The following ZNHIT6 variants were observed in gnomAD, a reference collection of about 807,000 sequenced individuals.
ZNHIT6 encodes zinc finger HIT-type containing 6.
In ZNHIT6, 45 loss-of-function variants were observed where a neutral mutation model predicts 57.2. The observed-to-expected ratio is 0.79, with a 90% CI of 0.62 to 1.01. The LOEUF is 1.01. ZNHIT6 is among the 50% of genes least tolerant of loss of function. The pLI, the probability that ZNHIT6 is intolerant of heterozygous loss-of-function variation, is 0.00. For synonymous variants in ZNHIT6, 188 were observed against 190.0 expected, an observed-to-expected ratio of 0.99 and a Z score of 0.09; for missense variants, 528 against 567.3, an observed-to-expected ratio of 0.93 and a Z score of 0.70.
intron 5 of ZNHIT6, among the ~76,000 whole-genome samples, chr1:85,699,609 T>A (rs1053499212): frequency 3.3e-5 from 5 of 152,142 alleles, no homozygotes; most frequent in African/African-American, 9.7e-5. Flanking sequence ...TCATACTTTC[T>A]TGATGAAAGT....
chr1:85,686,391 C>T (rs573396214), intron 5 of ZNHIT6, among the ~76,000 whole-genome samples: 68 of 152,156 alleles, frequency 4.5e-4, no homozygotes, highest in African/African-American at 1.3e-3. Context: ...TGAACCAGAA[C>T]GAGGGTTACC....
intron 1 of ZNHIT6, among the ~76,000 whole-genome samples, chr1:85,707,228 T>C (rs1411923104): frequency 6.6e-6 from 1 of 152,222 alleles, no homozygotes; most frequent in Non-Finnish European, 1.5e-5. Context: ...AGGTCAAGTG[T>C]ATTTTTGCCT....
intron 4 of ZNHIT6, among the ~76,000 whole-genome samples, chr1:85,704,378 T>TA (rs1662619759): frequency 6.6e-6 from 1 of 151,802 alleles, no homozygotes; most frequent in Admixed American, 6.6e-5. Flanking sequence ...CAAAATCCAT[T>TA]AAAAAAATGC....
At chr1:85,690,830 A>G (rs1254472014) in intron 5 of ZNHIT6, among the ~76,000 whole-genome samples, 1 of 152,196 alleles carries the variant, frequency 6.6e-6, no homozygotes, top group African/African-American at 2.4e-5. Context: ...AGTCGAGACC[A>G]GCCTGGCCAA....
chr1:85,659,646 A>C (rs1309835699), intron 8 of ZNHIT6, among the ~76,000 whole-genome samples: 1 of 152,214 alleles, frequency 6.6e-6, no homozygotes, highest in East Asian at 1.9e-4. Context: ...TTAGTAAAAA[A>C]TTATCTGCAC....
At chr1:85,700,420 G>A (rs1262821114) in intron 5 of ZNHIT6, among the ~76,000 whole-genome samples, 1 of 152,158 alleles carries the variant, frequency 6.6e-6, no homozygotes, top group Non-Finnish European at 1.5e-5. Context: ...ATAAATTTAT[G>A]AGCAAAAGAC....
At chr1:85,674,051 T>G (rs964585227) in intron 8 of ZNHIT6, among the ~76,000 whole-genome samples, 3 of 152,182 alleles carry the variant, frequency 2.0e-5, no homozygotes, top group Admixed American at 6.5e-5. Context: ...GAAAGCTACC[T>G]CAACAGGAAT....
intron 5 of ZNHIT6, among the ~76,000 whole-genome samples, chr1:85,684,290 C>T (rs1446315180): frequency 2.6e-5 from 4 of 152,196 alleles, no homozygotes; most frequent in Non-Finnish European, 5.9e-5. Context: ...ACACTAACCT[C>T]TTCTGAGTCC....
At chr1:85,690,615 G>T (rs946514117) in intron 5 of ZNHIT6, among the ~76,000 whole-genome samples, 106 of 152,166 alleles carry the variant, frequency 7.0e-4, no homozygotes, top group Non-Finnish European at 3.2e-4. Context: ...AGAGTTTGCA[G>T]TCTTGTCTGC....
chr1:85,672,283 C>G (rs1661576536), intron 8 of ZNHIT6, among the ~76,000 whole-genome samples: 1 of 152,136 alleles, frequency 6.6e-6, no homozygotes, highest in Non-Finnish European at 1.5e-5. Context: ...CCAAGTCTTA[C>G]TGCTTTTTTT....
At chr1:85,687,310 A>AAAAAAC (rs1557861254) in intron 5 of ZNHIT6, among the ~76,000 whole-genome samples, 2 of 143,588 alleles carry the variant, frequency 1.4e-5, no homozygotes, top group Admixed American at 7.2e-5. Context: ...AAAAAAAAAA[A>AAAAAAC]ACAATTTAGA....
chr1:85,653,127 A>G lies in ZNHIT6; in HGVS notation c.*931T>C, dbSNP rs1570275640. On this transcript the variant is annotated 3_prime_UTR_variant, in exon 10 of 10. Coordinates refer to ENST00000370574, the MANE Select transcript of ZNHIT6 (RefSeq NM_017953.4). ...TGTGATGAAAGGCACAGAATTCATA[A>G]GACTTGAGTAAGTAGATCCAAATTT... is the stretch of plus-strand genomic sequence containing the variant. 2.0e-5 allele frequency: 3 copies of G among 152,326 alleles called. No homozygotes were observed. Among genetic ancestry groups the G allele is most frequent in the East Asian group, 3.9e-4 (2 of 5,182 alleles). The allele number at this position is 152,326 out of a possible 1,614,324, so 9.4% of individuals were successfully genotyped here.
chr1:85,698,277 A>T (rs1473725500), intron 5 of ZNHIT6, among the ~76,000 whole-genome samples: 1 of 152,160 alleles, frequency 6.6e-6, no homozygotes, highest in African/African-American at 2.4e-5. Flanking sequence ...TTATTCTTAG[A>T]AAAATTCACA....
rs140058033 is a variant in ZNHIT6, at chr1:85,674,701, A to T, written c.1247+2535T>A. ...TTCTAAATTCAGTTCCTTTCTTGCC[A>T]TGTGCCATATTTTATCTAATTAGTT... is the stretch of plus-strand genomic sequence containing the variant. On this transcript the variant is annotated intron_variant, in intron 8 of 9. Coordinates refer to ENST00000370574, the MANE Select transcript of ZNHIT6 (RefSeq NM_017953.4). 3.4e-3 allele frequency among the ~76,000 whole-genome samples: 511 copies of T among 152,162 alleles called. 2 individuals are homozygous for T. Among genetic ancestry groups the T allele is most frequent in the African/African-American group, 0.011 (437 of 41,536 alleles).
Position 85,687,304 on chromosome 1 carries a change from A to C in ZNHIT6, c.1020-6400T>G, listed in dbSNP as rs371701950. ...CTCAAAAAACAAAAAAAAAACAAAA[A>C]AAAAAAACAATTTAGAACCCAGTAC... On this transcript the variant is annotated intron_variant, in intron 5 of 9. Transcript: ENST00000370574. Among the ~76,000 whole-genome samples, 957 of 142,664 alleles carry C rather than the reference A, an allele frequency of 6.7e-3. 92 individuals are homozygous for C. Among genetic ancestry groups the C allele is most frequent in the Admixed American group, 0.046 (643 of 13,854 alleles). The allele number at this position is 142,664 out of a possible 152,430, so 93.6% of individuals were successfully genotyped here.
intron 4 of ZNHIT6, among the ~76,000 whole-genome samples, chr1:85,703,024 G>A (rs1428646727): frequency 6.6e-6 from 1 of 152,182 alleles, no homozygotes; most frequent in Non-Finnish European, 1.5e-5. Context: ...ATAAGCCAAG[G>A]AAAGGATGGG....
Position 85,694,262 on chromosome 1 carries a change from TCTAGTTAACGATG to T in ZNHIT6, c.1019+7882_1019+7894del, listed in dbSNP as rs561400533. Among the ~76,000 whole-genome samples the T allele has an allele frequency of 3.4e-3, 517 of 152,312 alleles. 7 individuals carry two copies. The highest frequency in any genetic ancestry group is 6.3e-4 in the Non-Finnish European group (43 of 68,034). ...CAGACAAAAATGCAAACTACGGAAC[TCTAGTTAACGATG>T]CTTAAGTATTCAGGGCCCAGTAGAG... On this transcript the variant is annotated intron_variant, in intron 5 of 9. Coordinates refer to ENST00000370574, the MANE Select transcript of ZNHIT6 (RefSeq NM_017953.4).
rs777408946 is a variant in ZNHIT6, at chr1:85,657,847, CT to C, written c.1371del (p.Val458Ter). 9.3e-6 allele frequency: 15 copies of C among 1,605,132 alleles called. No individual in the cohort carries two copies. The highest frequency in any genetic ancestry group is 1.3e-5 in the Non-Finnish European group (15 of 1,177,082). On this transcript the variant is annotated frameshift_variant and splice_region_variant, in exon 9 of 10. Coordinates refer to ENST00000370574, the MANE Select transcript of ZNHIT6 (RefSeq NM_017953.4). LOFTEE classifies it high-confidence loss of function. ...ATTACAGAAACAAATTTACACTTAC[CT>C]TGGTGAAGAACTTTCATGTCATTAT... Reference protein sequence around the residue: ...GSNNDMKVLHQVKSESTKNVG... With the variant: ...GSNNDMKVLHXVKSESTKNVG...
chr1:85,708,326 A>G lies in ZNHIT6; in HGVS notation c.-42T>C, dbSNP rs967194611. 1.0e-5 allele frequency: 16 copies of G among 1,550,830 alleles called. No individual in the cohort carries two copies. Among genetic ancestry groups the G allele is most frequent in the Non-Finnish European group, 1.2e-5 (14 of 1,148,686 alleles). ...GCCTCTGCTGCCACTCTATCCTTCA[A>G]TGTGGCTGCTGCACACCAATAGGAG... On this transcript the variant is annotated 5_prime_UTR_variant, in exon 1 of 10. Coordinates refer to ENST00000370574, the MANE Select transcript of ZNHIT6 (RefSeq NM_017953.4).
Sources: allele counts gnomAD v4.1 joint callset (sites outside exome capture counted in the v4.1 genomes callset), GRCh38; gene constraint gnomAD v4.1.1; transcripts MANE v1.5; gene names NCBI Gene and HGNC (gene_info 2026-07-23, HGNC 2026-07-21).